ZNF623: variants seen among roughly 807,000 people sequenced by gnomAD.
ZNF623 encodes zinc finger protein 623.
ZNF623 carries 16 observed loss-of-function variants against 24.0 expected under a neutral mutation model. That is an observed-to-expected ratio of 0.67 (90% CI 0.45 to 1.01). ZNF623 has a LOEUF of 1.01. Among genes scored for constraint, ZNF623 ranks in the 50% least tolerant of loss-of-function variants. The pLI is 0.00. For synonymous variants in ZNF623, 224 were observed against 219.8 expected (o/e 1.02, Z -0.17); for missense variants, 566 against 606.5 (o/e 0.93, Z 0.70).
At chr8:143,649,857 TTAAG>T (rs1436576957) in intron 1 of ZNF623, 37 bp from the exon 2 acceptor site, 2 of 1,586,120 alleles carry the variant, frequency 1.3e-6, no homozygotes. Flanking sequence ...TCCCCATCTG[TTAAG>T]TAAGGGGAAA....
intron 1 of ZNF623, among the ~76,000 whole-genome samples, chr8:143,644,261 A>G (rs1815120632): frequency 1.3e-5 from 2 of 151,934 alleles, no homozygotes; most frequent in South Asian, 2.1e-4. Flanking sequence ...CAAGTGATCC[A>G]CCCACCTTAG....
chr8:143,636,815 A>G (rs1283914591), intron 1 of ZNF623, among the ~76,000 whole-genome samples: 1 of 152,112 alleles, frequency 6.6e-6, no homozygotes. Flanking sequence ...TCGCGTCTTT[A>G]AGAATCCCAG....
rs1815330957 is a variant in ZNF623, at chr8:143,651,771, A to T, written c.*288A>T. On this transcript the variant is annotated 3_prime_UTR_variant, in exon 2 of 2. Transcript: ENST00000526926. The stretch of plus-strand genomic sequence containing the variant: ...AAGGTTTTTAAGAAGTTTCATCCCC[A>T]GTTAAGCAGAGTCCATCCTTGACTT... 3 of 383,714 alleles carry T rather than the reference A, an allele frequency of 7.8e-6. No individual in the cohort carries two copies. The highest frequency in any genetic ancestry group is 1.5e-5 in the Non-Finnish European group (3 of 205,556). The allele number at this position is 383,714 out of a possible 1,614,324, so 23.8% of individuals were successfully genotyped here.
intron 1 of ZNF623, among the ~76,000 whole-genome samples, chr8:143,648,684 C>G (rs1012548609): frequency 6.6e-6 from 1 of 151,972 alleles, no homozygotes; most frequent in African/African-American, 2.4e-5. Flanking sequence ...AGGGAGCTCA[C>G]ACACAAGTGG....
intron 1 of ZNF623, among the ~76,000 whole-genome samples, chr8:143,637,047 G>A (rs1242084221): frequency 1.3e-5 from 2 of 152,204 alleles, no homozygotes; most frequent in Non-Finnish European, 2.9e-5. Context: ...CGTTGTCCTT[G>A]GGCAGAGCCC....
In ZNF623 at chr8:143,641,448, T is replaced by TG. The variant is rs1815052294; in HGVS notation, c.-96+5303_-96+5304insG. Reference sequence around the variant, plus strand: ...AGCATTGTCAGTGAGTAGTGTTTTTTTTTTTTTTTTTTTTTTTTTCTTTTT... The same window carrying TG: ...AGCATTGTCAGTGAGTAGTGTTTTTTGTTTTTTTTTTTTTTTTTTTCTTTTT... On this transcript the variant is annotated intron_variant, in intron 1 of 1. Coordinates refer to ENST00000526926, the MANE Select transcript of ZNF623 (RefSeq NM_001261843.2). Among the ~76,000 whole-genome samples, 2 of 3,050 alleles carry TG rather than the reference T, an allele frequency of 6.6e-4. 1 individual carries two copies. The highest frequency in any genetic ancestry group is 6.7e-4 in the African/African-American group (2 of 3,004). 2.0% of individuals were successfully genotyped at this position (3,050 alleles called of 152,430 possible).
intron 1 of ZNF623, among the ~76,000 whole-genome samples, chr8:143,637,572 C>T (rs1024516638): frequency 1.3e-5 from 2 of 151,716 alleles, no homozygotes; most frequent in African/African-American, 4.9e-5. Flanking sequence ...ATTTTTGAGA[C>T]GGAGTCTTGC....
Position 143,653,631 on chromosome 8 carries a change from G to A in ZNF623, c.*2148G>A, listed in dbSNP as rs916972693. ...AACCACTTTCTATCCTCATAGATTA[G>A]TGTTGCTTGGTTTAGAGCCTCATAC... On this transcript the variant is annotated 3_prime_UTR_variant, in exon 2 of 2. Coordinates refer to ENST00000526926, the MANE Select transcript of ZNF623 (RefSeq NM_001261843.2). The A allele has an allele frequency of 6.0e-6, 1 of 167,068 alleles. No individual in the cohort carries two copies. The highest frequency in any genetic ancestry group is 1.5e-5 in the Non-Finnish European group (1 of 68,114). The allele number at this position is 167,068 out of a possible 1,614,324, so 10.3% of individuals were successfully genotyped here.
chr8:143,644,992 A>G (rs13255809), intron 1 of ZNF623, among the ~76,000 whole-genome samples: 136,887 of 151,990 alleles, frequency 0.9, 63,255 homozygotes, highest in East Asian at 1. Context: ...GCTGGGTGTG[A>G]TGGCGCAAGC....
chr8:143,651,439 G>A lies in ZNF623; in HGVS notation c.1447G>A (p.Gly483Ser). The A allele has an allele frequency of 1.2e-6, 2 of 1,606,148 alleles. No individual in the cohort carries two copies. The highest frequency in any genetic ancestry group is 1.7e-6 in the Non-Finnish European group (2 of 1,177,216). Reference sequence around the variant, plus strand: ...CTTGAGTAAGGCCCCCATACATTTGGGTGAGAGGTCTGTAGATAAGGGGGA... The same window carrying A: ...CTTGAGTAAGGCCCCCATACATTTGAGTGAGAGGTCTGTAGATAAGGGGGA... ...LSLSKAPIHL[G>S]ERSVDKGEHT... The change falls in exon 2 of 2, where the codon GGT (glycine) becomes AGT (serine). Residue 483 changes from glycine (G) to serine (S), a missense_variant. By Grantham distance (56) the Gly-to-Ser change is moderately conservative (BLOSUM62 0). Transcript: ENST00000526926.
chr8:143,638,007 T>C (rs571622973), intron 1 of ZNF623, among the ~76,000 whole-genome samples: 1 of 152,348 alleles, frequency 6.6e-6, no homozygotes, highest in African/African-American at 2.4e-5. Context: ...TTACTTAAAT[T>C]CATACAAGAA....
In ZNF623 at chr8:143,650,837, A is replaced by G. The variant is rs778089779; in HGVS notation, c.845A>G (p.Asn282Ser). Residue 282 changes from asparagine to serine, a missense_variant, in exon 2 of 2, where the codon AAT (asparagine) becomes AGT (serine). By Grantham distance (46) the Asn-to-Ser change is conservative. Coordinates refer to ENST00000526926, the MANE Select transcript of ZNF623 (RefSeq NM_001261843.2). This position sits in a 1 kb window ranked among gnomAD's most constrained non-coding sequence, Gnocchi z 5.2. ...IHTGERPFEC[N>S]ECGKAFIRSS... ...ACCGGAGAGAGACCCTTTGAATGCA[A>G]TGAGTGTGGGAAAGCCTTTATTCGG... 46 of 1,614,118 alleles carry G rather than the reference A, an allele frequency of 2.8e-5. No individual in the cohort carries two copies. The highest frequency in any genetic ancestry group is 1.6e-4 in the Middle Eastern group (1 of 6,084).
chr8:143,652,425 T>C lies in ZNF623; in HGVS notation c.*942T>C, dbSNP rs1476856828. The C allele has an allele frequency of 1.2e-5, 2 of 167,110 alleles. No individual in the cohort carries two copies. 10.4% of individuals were successfully genotyped at this position (167,110 alleles called of 1,614,324 possible). A position where few individuals can be genotyped will look rare whatever the true frequency, so the allele number is the denominator to read the frequency against. On this transcript the variant is annotated 3_prime_UTR_variant, in exon 2 of 2. Transcript: ENST00000526926. ...TTGCTTTGTCCTTTCTATACTGCCA[T>C]TCTAAAAATTTTCAGCTGTTGGCTG...
In ZNF623 at chr8:143,636,118, C is replaced by T. The variant is rs1207103996; in HGVS notation, c.-123C>T. ...CAGTCAGCGGCTGCAGGGTCGGGCT[C>T]GCGCCGTCCTCTCCCCGCCCGCGCC... On this transcript the variant is annotated 5_prime_UTR_variant, in exon 1 of 2. Coordinates refer to ENST00000526926, the MANE Select transcript of ZNF623 (RefSeq NM_001261843.2). The T allele has an allele frequency of 2.0e-5, 3 of 152,146 alleles. No homozygotes were observed. Among genetic ancestry groups the T allele is most frequent in the South Asian group, 2.1e-4 (1 of 4,838 alleles). The allele number at this position is 152,146 out of a possible 1,614,324, so 9.4% of individuals were successfully genotyped here.
At chr8:143,645,052 C>T (rs1428998823) in intron 1 of ZNF623, among the ~76,000 whole-genome samples, 4 of 151,648 alleles carry the variant, frequency 2.6e-5, no homozygotes, top group Non-Finnish European at 4.4e-5. Flanking sequence ...CGCTGGAACC[C>T]GGGAGCTGGA....
intron 1 of ZNF623, among the ~76,000 whole-genome samples, chr8:143,645,348 C>T (rs779414880): frequency 6.6e-5 from 10 of 151,254 alleles, no homozygotes; most frequent in Non-Finnish European, 1.2e-4. Flanking sequence ...AGGAGAATGG[C>T]GTGAACCCAG....
At position 143,653,265 on chromosome 8, in the gene ZNF623, A is replaced by T. The variant is rs1048193352; in HGVS notation, c.*1782A>T. 6.0e-6 allele frequency: 1 copy of T among 166,996 alleles called. No homozygotes were observed. Among genetic ancestry groups the T allele is most frequent in the Non-Finnish European group, 1.5e-5 (1 of 68,108 alleles). The allele number at this position is 166,996 out of a possible 1,614,324, so 10.3% of individuals were successfully genotyped here. ...CCAAAGTCCAGTTTTGTAACGATAT[A>T]ATTTTTTTCTCATGAGGCCATATTT... On this transcript the variant is annotated 3_prime_UTR_variant, in exon 2 of 2. Transcript: ENST00000526926.
Position 143,651,542 on chromosome 8 carries a change from G to A in ZNF623, c.*59G>A, listed in dbSNP as rs946078996. The A allele has an allele frequency of 6.6e-7, 1 of 1,519,000 alleles. No individual in the cohort carries two copies. The highest frequency in any genetic ancestry group is 1.4e-5 in the African/African-American group (1 of 71,774). 94.1% of individuals were successfully genotyped at this position (1,519,000 alleles called of 1,614,324 possible). A position where few individuals can be genotyped will look rare whatever the true frequency, so the allele number is the denominator to read the frequency against. ...GGAAATGCGTGGAATTAGGATTCAT[G>A]TGGTTTCTAAGATTTGGACATGTCA... On this transcript the variant is annotated 3_prime_UTR_variant, in exon 2 of 2. Coordinates refer to ENST00000526926, the MANE Select transcript of ZNF623 (RefSeq NM_001261843.2).
intron 1 of ZNF623, among the ~76,000 whole-genome samples, chr8:143,644,291 T>TA (rs1563698631): frequency 6.6e-6 from 1 of 152,212 alleles, no homozygotes. Context: ...GTGTTGGGAT[T>TA]ACAGGCATGA....
Sources: gnomAD v4.1 joint callset for allele counts (sites outside exome capture counted in the v4.1 genomes callset) on GRCh38, gnomAD v4.1.1 for gene constraint, Gnocchi (gnomAD v3.1) non-coding constraint, MANE v1.5 for transcripts, NCBI Gene and HGNC (gene_info 2026-07-23, HGNC 2026-07-21) for gene names.